The following FBN2 variants were observed in gnomAD, a reference collection of about 807,000 sequenced individuals.
FBN2 encodes fibrillin-2.
Under a neutral mutation model 355.6 loss-of-function variants are expected in FBN2, and 105 were observed. The ratio of observed to expected loss-of-function variants is 0.30; its 90% CI spans 0.25 to 0.35. The LOEUF (loss-of-function observed/expected upper bound fraction) is 0.35, where lower values mean the gene tolerates loss of function less well. Ranked by LOEUF, FBN2 falls within the 10% of genes least tolerant of loss-of-function variation. The pLI is 1.00. For missense variants in FBN2, 3,280 were observed against 3,758.7 expected (o/e 0.87, Z 3.33); for synonymous variants, 1,350 against 1,301.2 (o/e 1.04, Z -0.81).
chr5:128,267,851 C>T (rs138998962), intron 62 of FBN2, among the ~76,000 whole-genome samples: 7 of 152,240 alleles, frequency 4.6e-5, no homozygotes, highest in East Asian at 3.9e-4. Context: ...AAACAGACAA[C>T]GTACCAGAAT....
At chr5:128,478,775 T>C (rs1035823871) in intron 5 of FBN2, among the ~76,000 whole-genome samples, 1 of 152,158 alleles carries the variant, frequency 6.6e-6, no homozygotes, top group African/African-American at 2.4e-5. Context: ...GTCAAATATA[T>C]TACAAGTTGA....
rs1223431128 is a variant in FBN2 at position 128,369,223 on chromosome 5, C to A, written c.2207G>T (p.Gly736Val). The change falls in exon 16 of 65, where the codon GGT becomes GTT. Residue 736 changes from glycine to valine, a missense_variant. By Grantham distance (109) the Gly-to-Val change is moderately radical. Around this residue, in one of 6 missense-constraint regions of FBN2, gnomAD observed 2,284 missense variants for 2,749.5 expected, o/e 0.83. Coordinates refer to ENST00000262464, the MANE Select transcript of FBN2 (RefSeq NM_001999.4). Reference sequence around the variant, plus strand: ...GCATGGCTGGCAGGGTTCTCCAAAACCATAGTCTGGATTGGCACAGCAGCA... The same window carrying A: ...GCATGGCTGGCAGGGTTCTCCAAAAACATAGTCTGGATTGGCACAGCAGCA... ...SECCCANPDY[G>V]FGEPCQPCPA... 6.2e-7 allele frequency: 1 copy of A among 1,614,004 alleles called. No homozygotes were observed. Among genetic ancestry groups the A allele is most frequent in the Non-Finnish European group, 8.5e-7 (1 of 1,180,036 alleles).
Position 128,413,304 on chromosome 5 carries a change from C to T in FBN2, c.953-4505G>A, listed in dbSNP as rs1017230669. ...AGGAAACCATGAGAACTATCAACAT[C>T]TAAGAAAAAGTCAGAGGAAGAAAAG... is the stretch of plus-strand genomic sequence containing the variant. On this transcript the variant is annotated intron_variant, in intron 7 of 64. Coordinates refer to ENST00000262464, the MANE Select transcript of FBN2 (RefSeq NM_001999.4). Among the ~76,000 whole-genome samples the T allele has an allele frequency of 7.2e-5, 11 of 152,010 alleles. No homozygotes were observed. The East Asian group carries it at 2.1e-3, about 29-fold the overall frequency.
Position 128,310,891 on chromosome 5 carries a change from A to G in FBN2, c.5074+409T>C, listed in dbSNP as rs534601439. On this transcript the variant is annotated intron_variant, in intron 39 of 64. Coordinates refer to ENST00000262464, the MANE Select transcript of FBN2 (RefSeq NM_001999.4). ...GGATGGAAGCAAGAATGGCAGCTGCATAACCTTTGAACTTCTTCATACCAT... is the reference window on the plus strand; with the variant it reads ...GGATGGAAGCAAGAATGGCAGCTGCGTAACCTTTGAACTTCTTCATACCAT... Among the ~76,000 whole-genome samples the G allele has an allele frequency of 2.6e-5, 4 of 152,308 alleles. No homozygotes were observed. In the East Asian group the frequency reaches 7.7e-4, roughly 29 times the overall value.
At chr5:128,535,559 A>T (rs939022596) in intron 2 of FBN2, among the ~76,000 whole-genome samples, 3 of 152,216 alleles carry the variant, frequency 2.0e-5, no homozygotes, top group African/African-American at 7.2e-5. Context: ...AAGGCCAGTC[A>T]CACTGCAAGT....
chr5:128,338,271 CT>C, intron 26 of FBN2, 149 bp from the exon 27 acceptor site: 1 of 834,442 alleles, frequency 1.2e-6, no homozygotes, highest in Non-Finnish European at 1.9e-6. Context: ...GCTTTCCTCA[CT>C]TTTCCTACGA....
At chr5:128,457,019 T>C (rs1167163886) in intron 6 of FBN2, among the ~76,000 whole-genome samples, 1 of 152,174 alleles carries the variant, frequency 6.6e-6, no homozygotes, top group Non-Finnish European at 1.5e-5. Context: ...TAAGGGAGCA[T>C]GTTCTAAGCC....
In FBN2 at chr5:128,378,906, G is replaced by T. The variant is rs1201611947; in HGVS notation, c.1604-16C>A. 3.1e-6 allele frequency: 5 copies of T among 1,612,760 alleles called. No homozygotes were observed. The South Asian group carries it at 3.3e-5, about 11-fold the overall frequency. On this transcript the variant is annotated splice_polypyrimidine_tract_variant and intron_variant, in intron 11 of 64. Coordinates refer to ENST00000262464, the MANE Select transcript of FBN2 (RefSeq NM_001999.4). ...TCATCAACATCTGTGAGCAGCAAAAGAAACCATTATAGACTTCACTCCATT... is the reference window on the plus strand; with the variant it reads ...TCATCAACATCTGTGAGCAGCAAAATAAACCATTATAGACTTCACTCCATT...
At chr5:128,375,814 T>C (rs971094841) in intron 14 of FBN2, among the ~76,000 whole-genome samples, 3 of 152,114 alleles carry the variant, frequency 2.0e-5, no homozygotes, top group Admixed American at 6.6e-5. Flanking sequence ...GGCAGGAGGA[T>C]TGCTTGAGCC....
chr5:128,532,467 G>A (rs1756734783), intron 2 of FBN2, among the ~76,000 whole-genome samples: 1 of 152,174 alleles, frequency 6.6e-6, no homozygotes, highest in Non-Finnish European at 1.5e-5. Context: ...TAGGAGCTGA[G>A]AGATTTCTCT....
Position 128,309,275 on chromosome 5 carries a change from A to G in FBN2, c.5325T>C (p.Pro1775=). 6.2e-7 allele frequency: 1 copy of G among 1,614,132 alleles called. No homozygotes were observed. Among genetic ancestry groups the G allele is most frequent in the South Asian group, 1.1e-5 (1 of 91,086 alleles). The change falls in exon 41 of 65, where the codon CCT becomes CCC. Residue 1775 remains proline (P), a synonymous_variant. Coordinates refer to ENST00000262464, the MANE Select transcript of FBN2 (RefSeq NM_001999.4). ...TYNVGKAWNK[P]CEPCPTPGTA... ...TTCCTGGAGTTGGGCATGGTTCACA[A>G]GGTTTGTTCCAGGCTTTGCCCACAT...
chr5:128,381,359 AT>A (rs1021007173), intron 11 of FBN2, among the ~76,000 whole-genome samples: 1 of 152,082 alleles, frequency 6.6e-6, no homozygotes, highest in African/African-American at 2.4e-5. Flanking sequence ...TAATAAATCT[AT>A]TGCCTTTCAA....
intron 34 of FBN2, chr5:128,328,378 T>C: frequency 1.7e-6 from 1 of 581,492 alleles, no homozygotes; most frequent in Non-Finnish European, 3.1e-6. Flanking sequence ...GAGCATACTT[T>C]AAAAGCTGAA....
chr5:128,527,146 A>G (rs942648988), intron 4 of FBN2, among the ~76,000 whole-genome samples: 9 of 152,194 alleles, frequency 5.9e-5, no homozygotes, highest in Non-Finnish European at 1.0e-4. Context: ...ATGTCATATA[A>G]GGTGACATTA....
Position 128,335,173 on chromosome 5 carries a change from T to C in FBN2, c.3970A>G (p.Ile1324Val), listed in dbSNP as rs1750801749. The C allele has an allele frequency of 1.2e-6, 2 of 1,614,040 alleles. No homozygotes were observed. Among genetic ancestry groups the C allele is most frequent in the African/African-American group, 1.3e-5 (1 of 74,918 alleles). The change falls in exon 30 of 65, where the codon ATT becomes GTT. Residue 1324 changes from isoleucine (I) to valine (V), a missense_variant. Transcript: ENST00000262464. ...FMASMDMKTC[I>V]DVNECDLNSN... ...TATCCTTTCTTATGATACCCACCAA[T>C]GCATGTTTTCATGTCCATGGAAGCC... is the stretch of plus-strand genomic sequence containing the variant.
chr5:128,363,767 T>C (rs1751700054), intron 18 of FBN2, among the ~76,000 whole-genome samples: 1 of 152,208 alleles, frequency 6.6e-6, no homozygotes, highest in Non-Finnish European at 1.5e-5. Context: ...AATCTTTGCC[T>C]GGTACTCTTC....
chr5:128,475,164 C>T (rs961052318), intron 5 of FBN2, among the ~76,000 whole-genome samples: 15 of 152,076 alleles, frequency 9.9e-5, no homozygotes, highest in African/African-American at 2.9e-4. Context: ...CCAGGAGAGG[C>T]GCAAGAGCAA....
intron 15 of FBN2, among the ~76,000 whole-genome samples, chr5:128,371,464 T>C (rs1301489902): frequency 6.6e-6 from 1 of 151,180 alleles, no homozygotes; most frequent in Non-Finnish European, 1.5e-5. Context: ...TTCTCCTTCC[T>C]TCCTTCCTTC....
In FBN2 at chr5:128,301,478, C is replaced by A. The variant is rs1064796333; in HGVS notation, c.5950G>T (p.Val1984Leu). ...TTAAAACAACGTCCATTTCTGCACA[C>A]CTGACCAAAAAAGGAACTGCACTCA... ...IDECSSFFGQ[V>L]CRNGRCFNEI... The change falls in exon 47 of 65, where the codon GTG (valine) becomes TTG (leucine). Residue 1984 changes from valine to leucine, a missense_variant. By Grantham distance (32) the Val-to-Leu change is conservative (BLOSUM62 1). Coordinates refer to ENST00000262464, the MANE Select transcript of FBN2 (RefSeq NM_001999.4). The A allele has an allele frequency of 6.2e-7, 1 of 1,613,452 alleles. No individual in the cohort carries two copies. The highest frequency in any genetic ancestry group is 1.1e-5 in the South Asian group (1 of 91,076).
Sources: gnomAD v4.1 joint callset for allele counts (sites outside exome capture counted in the v4.1 genomes callset) on GRCh38, gnomAD v4.1.1 for gene constraint, gnomAD v4.1.1 regional missense constraint, MANE v1.5 for transcripts, NCBI Gene and HGNC (gene_info 2026-07-23, HGNC 2026-07-21) for gene names.